WHRN: variants seen among roughly 807,000 people sequenced by gnomAD.
WHRN encodes the protein CASK-interacting protein CIP98.
WHRN carries 41 observed loss-of-function variants against 68.3 expected under a neutral mutation model. The ratio of observed to expected loss-of-function variants is 0.60; its 90% CI spans 0.47 to 0.78. The LOEUF (loss-of-function observed/expected upper bound fraction) is 0.78, where lower values mean the gene tolerates loss of function less well. Ranked by LOEUF, WHRN falls within the 30% of genes least tolerant of loss-of-function variation. WHRN has a pLI of 0.00. For synonymous variants in WHRN, 560 were observed against 561.3 expected (o/e 1.00, Z 0.03); for missense variants, 1,243 against 1,244.7 (o/e 1.00, Z 0.02).
chr9:114,447,414 G>A (rs538521549), intron 3 of WHRN, among the ~76,000 whole-genome samples: 1 of 152,256 alleles, frequency 6.6e-6, no homozygotes, highest in East Asian at 1.9e-4. Context: ...AGGGTAAAAG[G>A]ACTGATATAT....
At chr9:114,443,514 C>T (rs1838560289) in intron 3 of WHRN, among the ~76,000 whole-genome samples, 1 of 152,216 alleles carries the variant, frequency 6.6e-6, no homozygotes, top group South Asian at 2.1e-4. Flanking sequence ...CTCTGGTTCC[C>T]TCCTTCTGAT....
At chr9:114,431,502 C>T (rs964133936) in intron 3 of WHRN, among the ~76,000 whole-genome samples, 3 of 152,240 alleles carry the variant, frequency 2.0e-5, no homozygotes, top group Admixed American at 1.3e-4. Flanking sequence ...CACCCCAGCA[C>T]AGCACTGGCA....
At chr9:114,478,186 G>A in intron 2 of WHRN, 1 of 614,792 alleles carries the variant, frequency 1.6e-6, no homozygotes, top group South Asian at 2.0e-5. Context: ...TACTCAGGAG[G>A]CTGAGGCACA....
chr9:114,423,283 C>T, intron 7 of WHRN, 31 bp downstream of exon 7: 3 of 1,610,248 alleles, frequency 1.9e-6, no homozygotes, highest in East Asian at 2.2e-5. Context: ...GCCCTGGCTA[C>T]TAAGCCAGGG....
chr9:114,480,856 A>C (rs532352566), intron 1 of WHRN, among the ~76,000 whole-genome samples: 2 of 152,342 alleles, frequency 1.3e-5, no homozygotes, highest in Admixed American at 1.3e-4. Flanking sequence ...GAAAAATCAT[A>C]CTGGAAAAAC....
intron 7 of WHRN, among the ~76,000 whole-genome samples, chr9:114,414,052 C>T (rs75176603): frequency 2.6e-5 from 4 of 152,290 alleles, no homozygotes; most frequent in South Asian, 2.1e-4. Context: ...TGCAGGCACC[C>T]GAGAACTTGG....
At chr9:114,410,398 A>G (rs1835347717) in intron 7 of WHRN, among the ~76,000 whole-genome samples, 1 of 152,230 alleles carries the variant, frequency 6.6e-6, no homozygotes, top group Non-Finnish European at 1.5e-5. Flanking sequence ...AGGATGGATG[A>G]ATGAATGAAT....
In WHRN at chr9:114,504,280, G is replaced by A. The variant is rs771625300; in HGVS notation, c.522C>T (p.Gly174=). 6.2e-7 allele frequency: 1 copy of A among 1,614,020 alleles called. No individual in the cohort carries two copies. Among genetic ancestry groups the A allele is most frequent in the South Asian group, 1.1e-5 (1 of 91,086 alleles). The change falls in exon 1 of 12, where the codon GGC becomes GGT. Residue 174 remains glycine, a synonymous_variant. Transcript: ENST00000362057. ...GCAGTCCTTCCTTCTCAGCTAGAGA[G>A]CCTGGTTCCACCAGAGACACGTAGA... The part of the protein sequence containing the change: ...VGIYVSLVEP[G]SLAEKEGLRV...
At chr9:114,413,705 C>CA (rs1564123249) in intron 7 of WHRN, among the ~76,000 whole-genome samples, 1 of 152,186 alleles carries the variant, frequency 6.6e-6, no homozygotes, top group Non-Finnish European at 1.5e-5. Flanking sequence ...CAAGAACAAC[C>CA]TCAACACTGG....
chr9:114,425,263 T>C, intron 4 of WHRN: 1 of 659,588 alleles, frequency 1.5e-6, no homozygotes, highest in East Asian at 2.7e-5. Flanking sequence ...CCACCCGAGG[T>C]GGGCTCCTGA....
At position 114,504,814 on chromosome 9, in the gene WHRN, GC is replaced by G; in HGVS notation, c.-14del. ...GCGGCGCGTTCATCTCCACGCCGAG[GC>G]CCGGCCGGGCTCTGAGCGCGCGGGG... On this transcript the variant is annotated 5_prime_UTR_variant, in exon 1 of 12. Transcript: ENST00000362057. 7.1e-7 allele frequency: 1 copy of G among 1,401,096 alleles called. No individual in the cohort carries two copies. The highest frequency in any genetic ancestry group is 3.6e-5 in the Admixed American group (1 of 27,886). 86.8% of individuals were successfully genotyped at this position (1,401,096 alleles called of 1,614,324 possible). A position where few individuals can be genotyped will look rare whatever the true frequency, so the allele number is the denominator to read the frequency against.
At chr9:114,443,530 C>T (rs1268842525) in intron 3 of WHRN, among the ~76,000 whole-genome samples, 1 of 152,232 alleles carries the variant, frequency 6.6e-6, no homozygotes, top group Non-Finnish European at 1.5e-5. Context: ...CTGATTCCCA[C>T]CTCTACTTCA....
intron 1 of WHRN, among the ~76,000 whole-genome samples, chr9:114,490,168 G>A (rs1044400272): frequency 1.3e-5 from 2 of 152,158 alleles, no homozygotes; most frequent in African/African-American, 4.8e-5. Context: ...AGGGTAAATC[G>A]AGTGGACCAC....
intron 1 of WHRN, among the ~76,000 whole-genome samples, chr9:114,498,511 T>G (rs1453130128): frequency 6.6e-6 from 1 of 152,082 alleles, no homozygotes. Context: ...GGCCTGTGTG[T>G]GGTAAGCACT....
chr9:114,488,698 T>C (rs976091905), intron 1 of WHRN, among the ~76,000 whole-genome samples: 2 of 152,144 alleles, frequency 1.3e-5, no homozygotes, highest in African/African-American at 4.8e-5. Flanking sequence ...AGGACAGAAA[T>C]TGGTGATGCG....
chr9:114,414,002 C>G (rs1275704853), intron 7 of WHRN, among the ~76,000 whole-genome samples: 1 of 152,168 alleles, frequency 6.6e-6, no homozygotes, highest in Non-Finnish European at 1.5e-5. Flanking sequence ...CAAGCAGAGC[C>G]CTCAGGATAA....
At chr9:114,490,350 A>G (rs1842879415) in intron 1 of WHRN, among the ~76,000 whole-genome samples, 1 of 152,224 alleles carries the variant, frequency 6.6e-6, no homozygotes, top group Admixed American at 6.5e-5. Flanking sequence ...TGGCAGAGAA[A>G]TGTATGATGT....
intron 3 of WHRN, among the ~76,000 whole-genome samples, chr9:114,448,644 C>CA (rs1839046284): frequency 6.6e-6 from 1 of 152,166 alleles, no homozygotes; most frequent in Admixed American, 6.5e-5. Context: ...GGAAAGCCCC[C>CA]CTAAGCCACC....
intron 1 of WHRN, among the ~76,000 whole-genome samples, chr9:114,498,545 G>A (rs2133398121): frequency 6.6e-6 from 1 of 152,268 alleles, no homozygotes; most frequent in South Asian, 2.1e-4. Flanking sequence ...ATGGATGCAT[G>A]TCTCTACTCG....
Sources: allele counts gnomAD v4.1 joint callset (sites outside exome capture counted in the v4.1 genomes callset), GRCh38; gene constraint gnomAD v4.1.1; transcripts MANE v1.5; gene names NCBI Gene and HGNC (gene_info 2026-07-23, HGNC 2026-07-21).